Variants in ATP13A4 observed in about 807,000 individuals in gnomAD.
ATP13A4 encodes the protein ATPase 13A4.
Under a neutral mutation model 142.5 loss-of-function variants are expected in ATP13A4, and 114 were observed. The ratio of observed to expected loss-of-function variants is 0.80; its 90% CI spans 0.69 to 0.93. ATP13A4 has a LOEUF of 0.93. Ranked by LOEUF, ATP13A4 falls within the 40% of genes least tolerant of loss-of-function variation. The probability of loss-of-function intolerance (pLI) is 0.00; values close to 1 mark genes in which losing one functional copy is unlikely to be tolerated. For missense variants in ATP13A4, 1,392 were observed against 1,454.0 expected, an observed-to-expected ratio of 0.96 and a Z score of 0.69; for synonymous variants, 488 against 514.8, an observed-to-expected ratio of 0.95 and a Z score of 0.70.
At chr3:193,421,557 G>T (rs1715401367) in intron 25 of ATP13A4, among the ~76,000 whole-genome samples, 1 of 149,786 alleles carries the variant, frequency 6.7e-6, no homozygotes, top group South Asian at 2.1e-4. Context: ...TATATCTCTA[G>T]TATGAAGTCT....
chr3:193,458,886 T>C (rs1717787590), intron 14 of ATP13A4, 195 bp downstream of exon 14: 4 of 705,648 alleles, frequency 5.7e-6, no homozygotes, highest in Non-Finnish European at 7.5e-6. Flanking sequence ...ATCCTCACAA[T>C]CTCATTATGT....
At chr3:193,464,557 T>C (rs1718151491) in intron 12 of ATP13A4, among the ~76,000 whole-genome samples, 2 of 152,216 alleles carry the variant, frequency 1.3e-5, no homozygotes, top group Non-Finnish European at 1.5e-5. Flanking sequence ...TCAATCGATA[T>C]TTATTGCACA....
rs1047396167 is a variant in ATP13A4, at chr3:193,421,708, G to GT, written c.2843-6959dup. Among the ~76,000 whole-genome samples the GT allele has an allele frequency of 1.1e-4, 16 of 149,898 alleles. 1 individual carries two copies. Among genetic ancestry groups the GT allele is most frequent in the Non-Finnish European group, 2.1e-4 (14 of 67,708 alleles). ...AGAGATTTGTATGTGACTGAGGTTA[G>GT]TTGTTTTCAGTGTAAAACAGTCCAT... On this transcript the variant is annotated intron_variant, in intron 25 of 29. Coordinates refer to ENST00000342695, the MANE Select transcript of ATP13A4 (RefSeq NM_032279.4).
chr3:193,412,395 T>C (rs747427347), intron 26 of ATP13A4, 24 bp from the exon 27 acceptor site: 1 of 1,607,346 alleles, frequency 6.2e-7, no homozygotes, highest in South Asian at 1.1e-5. Flanking sequence ...CCAAAGAAGC[T>C]AATGAAGTAA....
At chr3:193,581,650 G>A (rs1724548652) in intron 2 of ATP13A4, 1 of 152,042 alleles carries the variant, frequency 6.6e-6, no homozygotes, top group Non-Finnish European at 1.5e-5. Flanking sequence ...AATTATTGAG[G>A]CGCCTGAGAC....
intron 2 of ATP13A4, among the ~76,000 whole-genome samples, chr3:193,511,561 C>A (rs991837621): frequency 1.3e-5 from 2 of 152,180 alleles, no homozygotes; most frequent in African/African-American, 4.8e-5. Flanking sequence ...GTATAGAACA[C>A]TTTTGGAATG....
chr3:193,579,933 G>GA (rs1724497489), intron 2 of ATP13A4, among the ~76,000 whole-genome samples: 1 of 152,156 alleles, frequency 6.6e-6, no homozygotes, highest in African/African-American at 2.4e-5. Flanking sequence ...GAATGATACA[G>GA]AAGGACATGC....
At chr3:193,525,738 C>T (rs996961219) in intron 1 of ATP13A4, among the ~76,000 whole-genome samples, 1 of 152,164 alleles carries the variant, frequency 6.6e-6, no homozygotes, top group Non-Finnish European at 1.5e-5. Flanking sequence ...CACACAAACA[C>T]GTCTCTCTCA....
intron 8 of ATP13A4, among the ~76,000 whole-genome samples, chr3:193,480,054 C>A (rs1577007116): frequency 6.6e-6 from 1 of 152,112 alleles, no homozygotes; most frequent in Admixed American, 6.6e-5. Context: ...GGATAATTGG[C>A]AAGCCACATG....
chr3:193,504,686 C>T (rs140739891), intron 2 of ATP13A4, among the ~76,000 whole-genome samples: 349 of 152,044 alleles, frequency 2.3e-3, no homozygotes, highest in Non-Finnish European at 3.5e-3. Context: ...ATTTTTATGT[C>T]GAGCCTGAAC....
intron 1 of ATP13A4, among the ~76,000 whole-genome samples, chr3:193,524,153 T>A (rs1721875665): frequency 6.6e-6 from 1 of 152,198 alleles, no homozygotes; most frequent in South Asian, 2.1e-4. Flanking sequence ...CAATATGAAA[T>A]GGACTAAGAC....
chr3:193,441,202 C>G (rs987479098), intron 20 of ATP13A4, among the ~76,000 whole-genome samples: 2 of 152,078 alleles, frequency 1.3e-5, no homozygotes, highest in Non-Finnish European at 2.9e-5. Flanking sequence ...GACAGCCACC[C>G]AAAATCATCT....
At chr3:193,585,356 G>T (rs756479545) in intron 1 of ATP13A4, among the ~76,000 whole-genome samples, 1 of 152,120 alleles carries the variant, frequency 6.6e-6, no homozygotes, top group African/African-American at 2.4e-5. Flanking sequence ...GGGGGCAGAG[G>T]CTGCAGTGAG....
chr3:193,439,069 A>T lies in ATP13A4; in HGVS notation c.2520-4T>A, dbSNP rs375424656. ...ACCACACATACCTACAAAGTAACTA[A>T]GAGGGAACCACATTAATTGTAGATG... is the stretch of plus-strand genomic sequence containing the variant. On this transcript the variant is annotated splice_polypyrimidine_tract_variant and splice_region_variant and intron_variant, in intron 21 of 29. Coordinates refer to ENST00000342695, the MANE Select transcript of ATP13A4 (RefSeq NM_032279.4). 2 of 1,602,432 alleles carry T rather than the reference A, an allele frequency of 1.2e-6. No homozygotes were observed. Among genetic ancestry groups the T allele is most frequent in the Non-Finnish European group, 1.7e-6 (2 of 1,169,346 alleles).
chr3:193,570,228 G>T (rs111683588), intron 2 of ATP13A4, among the ~76,000 whole-genome samples: 4,657 of 152,216 alleles, frequency 0.031, 232 homozygotes, highest in African/African-American at 0.11. Flanking sequence ...TGGGAGGATT[G>T]CTTGAGCCCA....
rs1188977282 is a variant in ATP13A4, at chr3:193,405,837, T to A, written c.3378+1476A>T. The stretch of plus-strand genomic sequence containing the variant: ...TGTAGAGGATGGAATAGCACTTTAA[T>A]ATGCGGAAATGGAGGAAACATACAC... On this transcript the variant is annotated intron_variant, in intron 29 of 29. Transcript: ENST00000342695. Among the ~76,000 whole-genome samples the A allele has an allele frequency of 2.0e-5, 3 of 152,234 alleles. No homozygotes were observed. In the East Asian group the frequency reaches 5.8e-4, roughly 29 times the overall value.
intron 25 of ATP13A4, 23 bp from the exon 26 acceptor site, chr3:193,414,773 A>T (rs571915751): frequency 1.2e-6 from 2 of 1,611,270 alleles, no homozygotes; most frequent in South Asian, 2.2e-5. Flanking sequence ...TTCGAATTTT[A>T]TATTTATGAG....
At chr3:193,422,154 G>A (rs962478640) in intron 25 of ATP13A4, among the ~76,000 whole-genome samples, 1 of 150,034 alleles carries the variant, frequency 6.7e-6, no homozygotes, top group African/African-American at 2.4e-5. Flanking sequence ...CTATATTTAT[G>A]TCAGATAAAG....
intron 2 of ATP13A4, among the ~76,000 whole-genome samples, chr3:193,560,503 C>T (rs552553738): frequency 6.6e-5 from 10 of 152,274 alleles, no homozygotes; most frequent in East Asian, 3.9e-4. Flanking sequence ...CCACCATGCC[C>T]GGCTGCTACT....
Sources: gnomAD v4.1 joint callset for allele counts (sites outside exome capture counted in the v4.1 genomes callset) on GRCh38, gnomAD v4.1.1 for gene constraint, MANE v1.5 for transcripts, NCBI Gene and HGNC (gene_info 2026-07-23, HGNC 2026-07-21) for gene names.